Variants in PROS1 observed in about 807,000 individuals in gnomAD.
The protein encoded by PROS1 is protein S, also known as vitamin K-dependent protein S.
A neutral mutation model predicts 75.9 loss-of-function variants in PROS1; 29 were observed. The ratio of observed to expected loss-of-function variants is 0.38; its 90% CI spans 0.28 to 0.52. The LOEUF (loss-of-function observed/expected upper bound fraction) is 0.52. Ranked by LOEUF, PROS1 falls within the 20% of genes least tolerant of loss-of-function variation. PROS1 has a pLI of 0.83. For synonymous variants in PROS1, 245 were observed against 280.6 expected, an observed-to-expected ratio of 0.87 and a Z score of 1.27; for missense variants, 680 against 810.3, an observed-to-expected ratio of 0.84 and a Z score of 1.95.
At chr3:93,883,272 T>G (rs1229369071) in intron 12 of PROS1, among the ~76,000 whole-genome samples, 4 of 152,124 alleles carry the variant, frequency 2.6e-5, no homozygotes, top group Admixed American at 2.6e-4. Flanking sequence ...AGGCGTATTA[T>G]GGAGGGAATA....
In PROS1 at chr3:93,900,872, A is replaced by G; in HGVS notation, c.659T>C (p.Ile220Thr). The change falls in exon 7 of 15, where the codon ATC becomes ACC. Residue 220 changes from isoleucine (I) to threonine (T), a missense_variant. Transcript: ENST00000394236. Reference sequence around the variant, plus strand: ...GCATTCACATTCAAAATCTCCTGGGATGTTCTTGCACACAGCTGTGCCACA... The same window carrying G: ...GCATTCACATTCAAAATCTCCTGGGGTGTTCTTGCACACAGCTGTGCCACA... ...SICGTAVCKNIPGDFECECPE... is the reference protein window; with the variant it reads ...SICGTAVCKNTPGDFECECPE... 6.2e-7 allele frequency: 1 copy of G among 1,614,070 alleles called. No homozygotes were observed. Among genetic ancestry groups the G allele is most frequent in the African/African-American group, 1.3e-5 (1 of 75,050 alleles).
chr3:93,896,786 C>T (rs1377632796), intron 8 of PROS1, 95 bp from the exon 9 acceptor site: 13 of 877,938 alleles, frequency 1.5e-5, no homozygotes, highest in Non-Finnish European at 2.3e-5. Context: ...TGTTTGGTTA[C>T]TAATGTATCA....
At chr3:93,936,101 C>T (rs1709179086) in intron 1 of PROS1, among the ~76,000 whole-genome samples, 1 of 151,796 alleles carries the variant, frequency 6.6e-6, no homozygotes. Flanking sequence ...CCCCACACCC[C>T]TTCCCCGCTC....
chr3:93,951,930 T>A (rs576339976), intron 1 of PROS1, among the ~76,000 whole-genome samples: 1 of 152,162 alleles, frequency 6.6e-6, no homozygotes, highest in East Asian at 1.9e-4. Context: ...GGGGTTGCAA[T>A]CCTAGTCTCT....
intron 1 of PROS1, among the ~76,000 whole-genome samples, chr3:93,931,457 T>C (rs1709103988): frequency 6.6e-6 from 1 of 152,236 alleles, no homozygotes; most frequent in Non-Finnish European, 1.5e-5. Context: ...ATTTTAGAAC[T>C]TCAGTGGAAT....
chr3:93,887,360 T>G (rs1576177459), intron 10 of PROS1, among the ~76,000 whole-genome samples: 2 of 152,224 alleles, frequency 1.3e-5, no homozygotes, highest in South Asian at 4.1e-4. Flanking sequence ...TTTTCCAATT[T>G]TGAGAGTTGT....
chr3:93,923,837 A>G (rs1213234148), intron 3 of PROS1, among the ~76,000 whole-genome samples: 1 of 151,840 alleles, frequency 6.6e-6, no homozygotes, highest in Non-Finnish European at 1.5e-5. Context: ...GGGAGACAGA[A>G]GTTGCAGTGA....
At chr3:93,908,854 G>A (rs1033789926) in intron 4 of PROS1, among the ~76,000 whole-genome samples, 3 of 152,120 alleles carry the variant, frequency 2.0e-5, no homozygotes, top group African/African-American at 7.2e-5. Flanking sequence ...AACACTGTTT[G>A]GAAGAAGCAA....
At chr3:93,896,127 T>C (rs1203072741) in intron 9 of PROS1, among the ~76,000 whole-genome samples, 1 of 152,156 alleles carries the variant, frequency 6.6e-6, no homozygotes, top group Non-Finnish European at 1.5e-5. Context: ...AATTATGTAA[T>C]ATATGTCTTT....
chr3:93,888,596 T>C (rs1708384481), intron 10 of PROS1, among the ~76,000 whole-genome samples: 1 of 152,192 alleles, frequency 6.6e-6, no homozygotes, highest in South Asian at 2.1e-4. Flanking sequence ...TTTCATGGCC[T>C]TAAAACCCCT....
At chr3:93,921,512 C>T (rs563887568) in intron 3 of PROS1, among the ~76,000 whole-genome samples, 108 of 152,114 alleles carry the variant, frequency 7.1e-4, no homozygotes, top group Admixed American at 5.5e-3. Flanking sequence ...ATCTGGGTTT[C>T]GGGAGAAATA....
chr3:93,881,401 C>G (rs1044049596), intron 12 of PROS1, among the ~76,000 whole-genome samples: 2 of 151,914 alleles, frequency 1.3e-5, no homozygotes, highest in African/African-American at 4.8e-5. Flanking sequence ...GAAAAATTAC[C>G]AATTGGGTAT....
chr3:93,917,669 C>A (rs1708878217), intron 3 of PROS1, among the ~76,000 whole-genome samples: 1 of 152,108 alleles, frequency 6.6e-6, no homozygotes, highest in East Asian at 1.9e-4. Flanking sequence ...GCTTGGCGGG[C>A]CGGCACTCGG....
At chr3:93,951,563 C>A (rs1709496097) in intron 1 of PROS1, among the ~76,000 whole-genome samples, 1 of 152,166 alleles carries the variant, frequency 6.6e-6, no homozygotes, top group South Asian at 2.1e-4. Context: ...TTTGTCACCA[C>A]CAATCCTGCC....
intron 1 of PROS1, among the ~76,000 whole-genome samples, chr3:93,933,150 G>A (rs1709131805): frequency 6.6e-6 from 1 of 152,282 alleles, no homozygotes; most frequent in South Asian, 2.1e-4. Flanking sequence ...TTATCTTTGT[G>A]TGGGCTTCAG....
At chr3:93,918,205 T>G (rs906108432) in intron 3 of PROS1, among the ~76,000 whole-genome samples, 4 of 152,154 alleles carry the variant, frequency 2.6e-5, no homozygotes, top group African/African-American at 9.7e-5. Context: ...ACTCTGTATC[T>G]AGCTAATCTG....
intron 3 of PROS1, among the ~76,000 whole-genome samples, chr3:93,912,216 C>A (rs528030550): frequency 2.6e-5 from 4 of 152,290 alleles, no homozygotes; most frequent in African/African-American, 9.6e-5. Flanking sequence ...CTCATGGCCT[C>A]ATCCTTGTAT....
At chr3:93,928,172 A>G (rs1158455617) in intron 1 of PROS1, among the ~76,000 whole-genome samples, 1 of 149,344 alleles carries the variant, frequency 6.7e-6, no homozygotes, top group African/African-American at 2.5e-5. Context: ...GCGCCACCAC[A>G]TAAAAAATAT....
At chr3:93,904,392 G>C (rs968793650) in intron 6 of PROS1, among the ~76,000 whole-genome samples, 3 of 152,140 alleles carry the variant, frequency 2.0e-5, no homozygotes, top group African/African-American at 7.2e-5. Context: ...AAAGATACAT[G>C]ATCACAAATT....
Sources: allele counts gnomAD v4.1 joint callset (sites outside exome capture counted in the v4.1 genomes callset), GRCh38; gene constraint gnomAD v4.1.1; transcripts MANE v1.5; gene names NCBI Gene and HGNC (gene_info 2026-07-23, HGNC 2026-07-21).